The following ATP7A variants were observed in gnomAD, a reference collection of about 807,000 sequenced individuals.
ATP7A encodes copper-transporting ATPase 1.
In ATP7A, 7 loss-of-function variants were observed where a neutral mutation model predicts 83.5. That is an observed-to-expected ratio of 0.08 (90% CI 0.05 to 0.16). The LOEUF is 0.16. ATP7A is among the 10% of genes least tolerant of loss of function. ATP7A has a pLI of 1.00. For missense variants in ATP7A, 940 were observed against 1,120.8 expected (o/e 0.84, Z 2.30); for synonymous variants, 354 against 395.2 (o/e 0.90, Z 1.24).
At chrX:77,995,532 C>T (rs1466065531) in intron 4 of ATP7A, among the ~76,000 whole-genome samples, 1 of 84,591 alleles carries the variant, frequency 1.2e-5, no homozygotes, top group African/African-American at 4.8e-5. Flanking sequence ...TGCGCCACTG[C>T]ACTGCAGCTG....
At chrX:77,955,553 A>G (rs1402699712) in intron 1 of ATP7A, among the ~76,000 whole-genome samples, 2 of 111,701 alleles carry the variant, frequency 1.8e-5, no homozygotes, top group Non-Finnish European at 3.8e-5. Flanking sequence ...ATGGGGTACA[A>G]TTTGATGTTT....
intron 2 of ATP7A, among the ~76,000 whole-genome samples, chrX:77,980,887 C>T (rs902403803): frequency 7.2e-5 from 8 of 111,552 alleles, no homozygotes; most frequent in Admixed American, 1.9e-4. Flanking sequence ...AGGCTGGTCT[C>T]GAACTCCTGA....
intron 7 of ATP7A, chrX:78,009,551 T>A: frequency 3.4e-6 from 1 of 291,403 alleles, no homozygotes. Context: ...GTATAATTTG[T>A]TATAAATAAG....
At chrX:77,923,091 G>A (rs182579891) in intron 1 of ATP7A, 173 of 112,378 alleles carry the variant, frequency 1.5e-3, no homozygotes, top group African/African-American at 5.3e-3. Context: ...AAGTCTGTCT[G>A]ATGCCAAAGG....
chrX:78,019,684 G>A (rs1382249558), intron 12 of ATP7A, among the ~76,000 whole-genome samples: 2 of 110,519 alleles, frequency 1.8e-5, no homozygotes, highest in Admixed American at 9.7e-5. Context: ...GCCCAGTCTC[G>A]AACTCCTGAG....
intron 4 of ATP7A, among the ~76,000 whole-genome samples, chrX:77,991,133 G>T (rs1557232036): frequency 9.0e-6 from 1 of 111,640 alleles, no homozygotes; most frequent in South Asian, 3.7e-4. Flanking sequence ...TATACTTACA[G>T]AGTTTTCCAG....
chrX:78,028,210 C>T (rs1433867111), intron 14 of ATP7A, among the ~76,000 whole-genome samples: 1 of 103,435 alleles, frequency 9.7e-6, no homozygotes, highest in East Asian at 3.0e-4. Context: ...TTTTTTGAGA[C>T]CGAGTTTCGC....
At chrX:78,023,366 G>A (rs1412296860) in intron 14 of ATP7A, among the ~76,000 whole-genome samples, 1 of 112,567 alleles carries the variant, frequency 8.9e-6, no homozygotes, top group Non-Finnish European at 1.9e-5. Flanking sequence ...AGTTCTTGGA[G>A]AAATCTCCAG....
intron 1 of ATP7A, among the ~76,000 whole-genome samples, chrX:77,943,836 C>T (rs1380272465): frequency 9.0e-6 from 1 of 111,566 alleles, no homozygotes; most frequent in African/African-American, 3.3e-5. Flanking sequence ...TTTATCTATT[C>T]CCTAATTGAT....
chrX:78,025,990 T>C (rs2077940933), intron 14 of ATP7A, among the ~76,000 whole-genome samples: 1 of 111,155 alleles, frequency 9.0e-6, no homozygotes, highest in South Asian at 3.8e-4. Context: ...AAAACATATA[T>C]AAATACAAAG....
intron 22 of ATP7A, 137 bp downstream of exon 22, chrX:78,045,709 G>A (rs1207388073): frequency 1.7e-5 from 11 of 639,008 alleles, no homozygotes; most frequent in South Asian, 2.6e-5. Context: ...GCGGCCGGGC[G>A]TGGTGGCTCA....
intron 1 of ATP7A, among the ~76,000 whole-genome samples, chrX:77,928,509 C>T (rs781809387): frequency 2.7e-5 from 3 of 110,866 alleles, no homozygotes; most frequent in Non-Finnish European, 3.8e-5. Context: ...TCTACCACTG[C>T]CTCCATGGGG....
At chrX:77,920,812 C>G (rs1478755893) in intron 1 of ATP7A, among the ~76,000 whole-genome samples, 1 of 111,150 alleles carries the variant, frequency 9.0e-6, no homozygotes, top group Non-Finnish European at 1.9e-5. Flanking sequence ...AATTTATTTT[C>G]TTTTGGATAT....
chrX:77,941,816 A>G (rs2077353025), intron 1 of ATP7A, among the ~76,000 whole-genome samples: 1 of 112,158 alleles, frequency 8.9e-6, no homozygotes, highest in African/African-American at 3.2e-5. Flanking sequence ...TAAAATCCAA[A>G]TAGAAAATAT....
chrX:77,959,299 T>TA (rs2077462893), intron 1 of ATP7A, among the ~76,000 whole-genome samples: 1 of 111,978 alleles, frequency 8.9e-6, no homozygotes, highest in South Asian at 3.7e-4. Context: ...GTAGATTCTT[T>TA]AGGGTTTTCT....
intron 14 of ATP7A, among the ~76,000 whole-genome samples, chrX:78,022,468 A>T (rs2077912855): frequency 9.5e-6 from 1 of 104,726 alleles, no homozygotes; most frequent in African/African-American, 3.5e-5. Flanking sequence ...TTTATTTTTT[A>T]TTCAGGAGGT....
intron 4 of ATP7A, among the ~76,000 whole-genome samples, chrX:77,995,554 C>T (rs782090020): frequency 2.9e-5 from 2 of 68,940 alleles, no homozygotes; most frequent in East Asian, 4.6e-4. Context: ...GTGACAAGAG[C>T]GAGACTCCAT....
chrX:77,979,258 G>T (rs1696408203), intron 2 of ATP7A, among the ~76,000 whole-genome samples: 1 of 111,463 alleles, frequency 9.0e-6, no homozygotes, highest in Admixed American at 9.6e-5. Context: ...ACACCACAAA[G>T]TGTGAATTCA....
intron 6 of ATP7A, among the ~76,000 whole-genome samples, chrX:78,007,643 T>C: frequency 8.9e-6 from 1 of 112,530 alleles, no homozygotes; most frequent in African/African-American, 3.2e-5. Context: ...CCATTTTTAA[T>C]TGGATTGTTT....
Sources: gnomAD v4.1 joint callset for allele counts (sites outside exome capture counted in the v4.1 genomes callset) on GRCh38, gnomAD v4.1.1 for gene constraint, MANE v1.5 for transcripts, NCBI Gene and HGNC (gene_info 2026-07-23, HGNC 2026-07-21) for gene names.